Variants in HIVEP3 observed in about 807,000 individuals in gnomAD.
HIVEP3 encodes the protein transcription factor HIVEP3.
A neutral mutation model predicts 152.8 loss-of-function variants in HIVEP3; 49 were observed. The observed-to-expected ratio is 0.32, with a 90% CI of 0.26 to 0.41. HIVEP3 has a LOEUF of 0.41. Ranked by LOEUF, HIVEP3 falls within the 10% of genes least tolerant of loss-of-function variation. The pLI, the probability that HIVEP3 is intolerant of heterozygous loss-of-function variation, is 1.00. For missense variants in HIVEP3, 2,790 were observed against 3,103.3 expected, an observed-to-expected ratio of 0.90 and a Z score of 2.40; for synonymous variants, 1,269 against 1,289.0, an observed-to-expected ratio of 0.98 and a Z score of 0.33.
intron 1 of HIVEP3, among the ~76,000 whole-genome samples, chr1:41,889,033 TACAC>T (rs565333823): frequency 2.4e-4 from 29 of 121,190 alleles, no homozygotes; most frequent in East Asian, 1.0e-3. Flanking sequence ...CCTCACACGC[TACAC>T]ACACACACAC....
intron 1 of HIVEP3, among the ~76,000 whole-genome samples, chr1:41,715,706 CCTCAGCATCTTGGTG>C: frequency 6.6e-6 from 1 of 152,274 alleles, no homozygotes; most frequent in East Asian, 1.9e-4. Flanking sequence ...CAAGCCAGGC[CCTCAGCATCTTGGTG>C]CTACCATAGG....
chr1:41,851,482 T>C lies in HIVEP3; in HGVS notation c.-801+66931A>G, dbSNP rs186222126. On this transcript the variant is annotated intron_variant, in intron 1 of 8. Coordinates refer to ENST00000372583, the MANE Select transcript of HIVEP3 (RefSeq NM_024503.5). ...CACACCTGGCTAATTTTTGTATTTT[T>C]AGTAGAGACAAGGTTTCACCATGTT... is the stretch of plus-strand genomic sequence containing the variant. 1.1e-4 allele frequency among the ~76,000 whole-genome samples: 17 copies of C among 152,084 alleles called. No individual in the cohort carries two copies. In the East Asian group the frequency reaches 3.1e-3, roughly 28 times the overall value.
In HIVEP3 at chr1:41,513,063, G is replaced by A. The variant is rs1642484749; in HGVS notation, c.6158C>T (p.Ser2053Phe). 1 of 1,613,762 alleles carries A rather than the reference G, an allele frequency of 6.2e-7. No homozygotes were observed. The highest frequency in any genetic ancestry group is 1.3e-5 in the African/African-American group (1 of 74,930). Residue 2053 changes from serine to phenylalanine, a missense_variant, in exon 8 of 9, where the codon TCC becomes TTC. Physicochemically the swap from Ser to Phe is radical, Grantham distance 155. Around this residue, in one of 9 missense-constraint regions of HIVEP3, gnomAD observed 816 missense variants for 806.5 expected, o/e 1.01. Coordinates refer to ENST00000372583, the MANE Select transcript of HIVEP3 (RefSeq NM_024503.5). ...RELAPRAHVL[S>F]KLEGTTDPGL... The stretch of plus-strand genomic sequence containing the variant: ...TGGGTCGGTGGTACCCTCGAGTTTG[G>A]AGAGCACATGTGCTCGAGGGGCCAG...
At chr1:41,744,673 G>A (rs996353557) in intron 1 of HIVEP3, among the ~76,000 whole-genome samples, 14 of 152,222 alleles carry the variant, frequency 9.2e-5, no homozygotes, top group Admixed American at 2.6e-4. Context: ...GCGGCTAAGC[G>A]TGGTTTTATA....
At chr1:41,739,412 C>T (rs1289966398) in intron 1 of HIVEP3, among the ~76,000 whole-genome samples, 2 of 152,228 alleles carry the variant, frequency 1.3e-5, no homozygotes, top group Non-Finnish European at 2.9e-5. Context: ...GTCACTCCTT[C>T]CAGGAGCAGA....
At chr1:41,990,271 G>T in intron 1 of HIVEP3, among the ~76,000 whole-genome samples, 1 of 141,100 alleles carries the variant, frequency 7.1e-6, no homozygotes, top group Admixed American at 7.3e-5. Flanking sequence ...CTGGCTTGTA[G>T]GGTTTCTGCT....
chr1:41,809,055 T>C (rs1192719941), intron 1 of HIVEP3, among the ~76,000 whole-genome samples: 1 of 152,212 alleles, frequency 6.6e-6, no homozygotes, highest in African/African-American at 2.4e-5. Flanking sequence ...TACAGCCAGG[T>C]CTGTCTGCCT....
At chr1:41,759,838 A>G (rs999105337) in intron 1 of HIVEP3, among the ~76,000 whole-genome samples, 29 of 152,328 alleles carry the variant, frequency 1.9e-4, no homozygotes, top group African/African-American at 6.7e-4. Flanking sequence ...TGGTTTCCAC[A>G]TAGGACCTCA....
chr1:41,575,445 A>C, intron 5 of HIVEP3, 99 bp downstream of exon 5: 3 of 1,318,908 alleles, frequency 2.3e-6, no homozygotes, highest in Non-Finnish European at 2.1e-6. Context: ...ACCTGTGGGC[A>C]GAGCCCTTGC....
At chr1:41,938,876 T>A (rs1239026675) in intron 1 of HIVEP3, among the ~76,000 whole-genome samples, 12 of 152,216 alleles carry the variant, frequency 7.9e-5, no homozygotes, top group Admixed American at 7.8e-4. Context: ...TTCTGCATTG[T>A]GGAGCTTCTC....
chr1:41,860,823 G>A (rs972782536), intron 1 of HIVEP3, among the ~76,000 whole-genome samples: 3 of 152,198 alleles, frequency 2.0e-5, no homozygotes, highest in Admixed American at 6.5e-5. Context: ...GAAGTCACAC[G>A]TGGAATTAGA....
intron 1 of HIVEP3, among the ~76,000 whole-genome samples, chr1:41,799,458 T>C (rs1252783325): frequency 6.6e-6 from 1 of 152,214 alleles, no homozygotes; most frequent in African/African-American, 2.4e-5. Context: ...GCCAACTCTT[T>C]GAAATGTCCC....
intron 3 of HIVEP3, among the ~76,000 whole-genome samples, chr1:41,612,924 T>C (rs1644918693): frequency 6.6e-6 from 1 of 152,212 alleles, no homozygotes; most frequent in Admixed American, 6.5e-5. Context: ...ATGTTTCTTG[T>C]TTGCCACACA....
At chr1:41,947,143 G>A (rs1217905754) in intron 1 of HIVEP3, among the ~76,000 whole-genome samples, 1 of 152,176 alleles carries the variant, frequency 6.6e-6, no homozygotes, top group African/African-American at 2.4e-5. Flanking sequence ...CAAGGGTTCA[G>A]GGATAGACCC....
chr1:41,523,068 C>G (rs1173043100), intron 6 of HIVEP3, among the ~76,000 whole-genome samples: 2 of 152,276 alleles, frequency 1.3e-5, no homozygotes, highest in African/African-American at 4.8e-5. Flanking sequence ...TCACTTTCTT[C>G]ACCTTCAAGG....
At chr1:41,955,228 G>T (rs192080576) in intron 1 of HIVEP3, among the ~76,000 whole-genome samples, 1 of 152,036 alleles carries the variant, frequency 6.6e-6, no homozygotes, top group African/African-American at 2.4e-5. Context: ...AGGAAGGAAA[G>T]AAATTGCTTG....
intron 1 of HIVEP3, among the ~76,000 whole-genome samples, chr1:41,869,007 T>C (rs765714872): frequency 1.2e-4 from 18 of 152,204 alleles, no homozygotes; most frequent in Non-Finnish European, 1.8e-4. Context: ...GAAGGCTTGT[T>C]CCCAGCAAAG....
At chr1:41,667,523 C>T (rs1645813953) in intron 2 of HIVEP3, among the ~76,000 whole-genome samples, 1 of 152,250 alleles carries the variant, frequency 6.6e-6, no homozygotes, top group African/African-American at 2.4e-5. Context: ...ACTCCCCTGG[C>T]AGCTGTGAGA....
At chr1:41,545,383 C>CCA (rs1643741671) in intron 5 of HIVEP3, among the ~76,000 whole-genome samples, 1 of 61,906 alleles carries the variant, frequency 1.6e-5, no homozygotes, top group African/African-American at 7.7e-5. Flanking sequence ...ACCACTACCA[C>CCA]CACCACCAAT....
Sources: gnomAD v4.1 joint callset for allele counts (sites outside exome capture counted in the v4.1 genomes callset) on GRCh38, gnomAD v4.1.1 for gene constraint, gnomAD v4.1.1 regional missense constraint, MANE v1.5 for transcripts, NCBI Gene and HGNC (gene_info 2026-07-23, HGNC 2026-07-21) for gene names.